Variants in TPP2 observed in about 807,000 individuals in gnomAD.
TPP2 encodes tripeptidyl peptidase 2.
TPP2 carries 34 observed loss-of-function variants against 155.9 expected under a neutral mutation model. The ratio of observed to expected loss-of-function variants is 0.22; its 90% CI spans 0.17 to 0.29. The LOEUF is 0.29. Among genes scored for constraint, TPP2 ranks in the 10% least tolerant of loss-of-function variants. The pLI, the probability that TPP2 is intolerant of heterozygous loss-of-function variation, is 1.00. For synonymous variants in TPP2, 510 were observed against 529.4 expected, an observed-to-expected ratio of 0.96 and a Z score of 0.50; for missense variants, 1,028 against 1,522.3, an observed-to-expected ratio of 0.68 and a Z score of 5.40.
At chr13:102,606,911 T>C (rs192882966) in intron 2 of TPP2, among the ~76,000 whole-genome samples, 21 of 152,294 alleles carry the variant, frequency 1.4e-4, no homozygotes, top group Non-Finnish European at 2.6e-4. Flanking sequence ...TATCCCTCTT[T>C]GTGTTGGTAT....
chr13:102,678,509 A>G lies in TPP2; in HGVS notation c.*193A>G. On this transcript the variant is annotated 3_prime_UTR_variant, in exon 30 of 30. Transcript: ENST00000376052. Reference sequence around the variant, plus strand: ...CATGTAAATCTAGACCTCTGACATCATGGTGTTTTCTTAATGCCTCACATT... The same window carrying G: ...CATGTAAATCTAGACCTCTGACATCGTGGTGTTTTCTTAATGCCTCACATT... 1 of 494,100 alleles carries G rather than the reference A, an allele frequency of 2.0e-6. No individual in the cohort carries two copies. The highest frequency in any genetic ancestry group is 3.5e-6 in the Non-Finnish European group (1 of 283,140). The allele number at this position is 494,100 out of a possible 1,614,324, so 30.6% of individuals were successfully genotyped here. A position where few individuals can be genotyped will look rare whatever the true frequency, so the allele number is the denominator to read the frequency against.
intron 27 of TPP2, among the ~76,000 whole-genome samples, chr13:102,670,397 C>T (rs34841982): frequency 0.24 from 37,232 of 152,040 alleles, 4,866 homozygotes; most frequent in Non-Finnish European, 0.29. Flanking sequence ...GCATCATCTG[C>T]GGCCTAAATA....
chr13:102,675,933 T>G (rs1039894717), intron 28 of TPP2, among the ~76,000 whole-genome samples: 2 of 152,176 alleles, frequency 1.3e-5, no homozygotes, highest in African/African-American at 4.8e-5. Context: ...TAATACTTGT[T>G]TTTTTACTTC....
At chr13:102,614,265 A>G in intron 3 of TPP2, 69 bp downstream of exon 3, 1 of 1,309,488 alleles carries the variant, frequency 7.6e-7, no homozygotes, top group Non-Finnish European at 1.0e-6. Context: ...TTTTATTCCT[A>G]CTGAAGAAAA....
At position 102,678,255 on chromosome 13, in the gene TPP2, G is replaced by T. The variant is rs1056946301; in HGVS notation, c.3728G>T (p.Cys1243Phe). ...ATGAAGTTACTTGGATGGACCCATT[G>T]TGCATCTTTTACTGAAAACTGGCTC... ...QLMKLLGWTHCASFTENWLPI... is the reference protein window; with the variant it reads ...QLMKLLGWTHFASFTENWLPI... Residue 1243 changes from cysteine to phenylalanine, a missense_variant, in exon 30 of 30, where the codon TGT becomes TTT. Cys to Phe is a radical substitution (Grantham distance 205). Coordinates refer to ENST00000376052, the MANE Select transcript of TPP2 (RefSeq NM_001330588.2). 1.2e-6 allele frequency: 2 copies of T among 1,613,594 alleles called. No individual in the cohort carries two copies. Among genetic ancestry groups the T allele is most frequent in the African/African-American group, 2.7e-5 (2 of 74,984 alleles).
chr13:102,646,466 GGA>G, intron 20 of TPP2, 76 bp downstream of exon 20: 2 of 1,142,682 alleles, frequency 1.8e-6, no homozygotes, highest in Admixed American at 4.5e-5. Flanking sequence ...AATCAAAAAT[GGA>G]AGGACAGTGT....
At chr13:102,667,215 A>T (rs61427565) in intron 27 of TPP2, among the ~76,000 whole-genome samples, 4 of 152,192 alleles carry the variant, frequency 2.6e-5, no homozygotes, top group Non-Finnish European at 5.9e-5. Context: ...AATCTTAAAA[A>T]ATATTAACTT....
intron 24 of TPP2, 33 bp downstream of exon 24, chr13:102,651,430 T>G: frequency 1.3e-6 from 2 of 1,558,610 alleles, no homozygotes; most frequent in Non-Finnish European, 1.7e-6. Flanking sequence ...AAAGATGTCT[T>G]AAAGCCTTAT....
In TPP2 at chr13:102,657,142, A is replaced by G. The variant is rs1423053223; in HGVS notation, c.3078A>G (p.Lys1026=). ...AAGATAAGGAAAAAGATTCAGAAAAAGAGAAAGATTTAAAAGAAGAGTTTA... is the reference window on the plus strand; with the variant it reads ...AAGATAAGGAAAAAGATTCAGAAAAGGAGAAAGATTTAAAAGAAGAGTTTA... ...GSKDKEKDSE[K]EKDLKEEFTE... Residue 1026 remains lysine (K), a synonymous_variant, in exon 25 of 30, where the codon AAA becomes AAG. Coordinates refer to ENST00000376052, the MANE Select transcript of TPP2 (RefSeq NM_001330588.2). The G allele has an allele frequency of 2.5e-5, 40 of 1,601,960 alleles. No homozygotes were observed. Among genetic ancestry groups the G allele is most frequent in the Non-Finnish European group, 3.3e-5 (39 of 1,176,874 alleles).
chr13:102,641,621 T>G (rs1298552305), intron 16 of TPP2, among the ~76,000 whole-genome samples: 1 of 152,204 alleles, frequency 6.6e-6, no homozygotes, highest in Non-Finnish European at 1.5e-5. Context: ...TGGTCATCTA[T>G]CTGTATGCTG....
chr13:102,628,453 C>T (rs556076893), intron 8 of TPP2, among the ~76,000 whole-genome samples: 1 of 152,162 alleles, frequency 6.6e-6, no homozygotes, highest in East Asian at 1.9e-4. Context: ...TGCATCTCAT[C>T]TGCAAAACTT....
Position 102,622,917 on chromosome 13 carries a change from T to C in TPP2, c.661T>C (p.Ser221Pro). Residue 221 changes from serine (S) to proline (P), a missense_variant, in exon 6 of 30, where the codon TCT (serine) becomes CCT (proline). Transcript: ENST00000376052. ...TAATGAAGATGGGGACTTGAGTAAA[T>C]CTACCGTGTTGAGAAACTACAAAGA... ...DSNEDGDLSKSTVLRNYKEAQ... is the reference protein window; with the variant it reads ...DSNEDGDLSKPTVLRNYKEAQ... 6.2e-7 allele frequency: 1 copy of C among 1,614,044 alleles called. No individual in the cohort carries two copies. Among genetic ancestry groups the C allele is most frequent in the Non-Finnish European group, 8.5e-7 (1 of 1,180,004 alleles).
At chr13:102,619,935 C>T (rs1044128974) in intron 5 of TPP2, among the ~76,000 whole-genome samples, 4 of 152,054 alleles carry the variant, frequency 2.6e-5, no homozygotes, top group East Asian at 1.9e-4. Context: ...GCCTTAGGTG[C>T]GTTTTAGTGT....
In TPP2 at chr13:102,597,165, C is replaced by G; in HGVS notation, c.127C>G (p.Leu43Val). The change falls in exon 1 of 30, where the codon CTG becomes GTG. Residue 43 changes from leucine (L) to valine (V), a missense_variant. This residue lies in a region of TPP2 where 300 missense variants were observed against 398.3 expected (regional missense o/e 0.75). Transcript: ENST00000376052. ...YDGRGVLIAV[L>V]DTGVDPGAPG... ...TGGGCGGGGGGTGCTCATCGCAGTC[C>G]TGGACACGGGGGTCGACCCGGGGGC... The G allele has an allele frequency of 6.3e-7, 1 of 1,587,808 alleles. No individual in the cohort carries two copies. The highest frequency in any genetic ancestry group is 1.4e-5 in the African/African-American group (1 of 72,556).
intron 23 of TPP2, 151 bp downstream of exon 23, chr13:102,649,637 A>G (rs934306452): frequency 1.6e-6 from 1 of 619,586 alleles, no homozygotes; most frequent in Non-Finnish European, 2.7e-6. Flanking sequence ...GTTACTAGTG[A>G]AAGTCAGTTA....
chr13:102,645,983 AGTT>A (rs10559731), intron 19 of TPP2, among the ~76,000 whole-genome samples: 75,042 of 151,808 alleles, frequency 0.49, 18,922 homozygotes, highest in African/African-American at 0.6. Flanking sequence ...CAACACTTTT[AGTT>A]GTCACCCTAG....
intron 4 of TPP2, among the ~76,000 whole-genome samples, chr13:102,617,075 G>A (rs1379776333): frequency 2.8e-5 from 4 of 143,762 alleles, no homozygotes; most frequent in Non-Finnish European, 6.1e-5. Flanking sequence ...CACCCGACTA[G>A]TTTTTTTTTT....
chr13:102,609,379 G>A (rs545469824), intron 2 of TPP2, among the ~76,000 whole-genome samples: 25 of 146,908 alleles, frequency 1.7e-4, no homozygotes, highest in African/African-American at 6.1e-4. Flanking sequence ...CCAGCAAAGG[G>A]AGAAGTGCCA....
chr13:102,662,834 A>T (rs764612330), intron 25 of TPP2, among the ~76,000 whole-genome samples: 1 of 152,140 alleles, frequency 6.6e-6, no homozygotes, highest in East Asian at 1.9e-4. Flanking sequence ...AATCAGGTAG[A>T]ATTGGGAATT....
Sources: allele counts gnomAD v4.1 joint callset (sites outside exome capture counted in the v4.1 genomes callset), GRCh38; gene constraint gnomAD v4.1.1; regional missense constraint gnomAD v4.1.1; transcripts MANE v1.5; gene names NCBI Gene and HGNC (gene_info 2026-07-23, HGNC 2026-07-21).